The following MCOLN2 variants were observed in gnomAD, a reference collection of about 807,000 sequenced individuals.
The protein encoded by MCOLN2 is mucolipin TRP cation channel 2.
MCOLN2 carries 57 observed loss-of-function variants against 67.5 expected under a neutral mutation model. The ratio of observed to expected loss-of-function variants is 0.84; its 90% CI spans 0.68 to 1.05. The LOEUF (loss-of-function observed/expected upper bound fraction) is 1.05, where lower values mean the gene tolerates loss of function less well. MCOLN2 is among the 50% of genes least tolerant of loss of function. The probability of loss-of-function intolerance (pLI) is 0.00; values close to 1 mark genes in which losing one functional copy is unlikely to be tolerated. For missense variants in MCOLN2, 620 were observed against 678.8 expected (o/e 0.91, Z 0.96); for synonymous variants, 246 against 233.3 (o/e 1.05, Z -0.50).
intron 11 of MCOLN2, 106 bp from the exon 12 acceptor site, chr1:84,931,674 G>C (rs942790824): frequency 1.1e-6 from 1 of 898,386 alleles, no homozygotes; most frequent in African/African-American, 1.7e-5. Flanking sequence ...TGTAGTAGTG[G>C]TAACTTACTT....
At chr1:84,959,392 C>T (rs1648960256) in intron 2 of MCOLN2, among the ~76,000 whole-genome samples, 1 of 152,190 alleles carries the variant, frequency 6.6e-6, no homozygotes. Flanking sequence ...TTCTCCCTTT[C>T]ACTGTATTCT....
At chr1:84,959,184 A>C (rs1648951278) in intron 2 of MCOLN2, among the ~76,000 whole-genome samples, 2 of 152,160 alleles carry the variant, frequency 1.3e-5, no homozygotes, top group Admixed American at 1.3e-4. Context: ...TACTCCAGCT[A>C]GGAGGTAATA....
chr1:84,995,831 C>T (rs1051609422), intron 1 of MCOLN2, among the ~76,000 whole-genome samples: 10 of 150,952 alleles, frequency 6.6e-5, no homozygotes, highest in Admixed American at 4.6e-4. Flanking sequence ...TTGATATGTT[C>T]CTCCTTCACA....
intron 12 of MCOLN2, chr1:84,929,913 A>C (rs1661324762): frequency 6.5e-6 from 2 of 309,044 alleles, no homozygotes; most frequent in Non-Finnish European, 1.2e-5. Flanking sequence ...AGCAGAGAAG[A>C]GCCAGGGAGA....
rs1176944454 is a variant in MCOLN2, at chr1:84,996,848, G to C, written c.25C>G (p.Pro9Ala). 6.2e-7 allele frequency: 1 copy of C among 1,613,984 alleles called. No individual in the cohort carries two copies. Among genetic ancestry groups the C allele is most frequent in the Non-Finnish European group, 8.5e-7 (1 of 1,180,000 alleles). Residue 9 changes from proline (P) to alanine (A), a missense_variant, in exon 1 of 14, where the codon CCC becomes GCC. Pro to Ala is a conservative substitution (Grantham distance 27). Coordinates refer to ENST00000370608, the MANE Select transcript of MCOLN2 (RefSeq NM_153259.4). MARQPYRF[P>A]QARIPERGSG... ...CCTCTCTCCGGAATCCTTGCCTGGG[G>C]AAAACGATAAGGCTGCCGGGCCATG... is the stretch of plus-strand genomic sequence containing the variant.
intron 1 of MCOLN2, among the ~76,000 whole-genome samples, chr1:84,993,720 T>C (rs1403934995): frequency 7.0e-6 from 1 of 142,292 alleles, no homozygotes; most frequent in African/African-American, 2.6e-5. Flanking sequence ...AAGCTCCGCC[T>C]CCCGGGTTCA....
chr1:84,953,588 T>C (rs1648624152), intron 4 of MCOLN2, among the ~76,000 whole-genome samples: 1 of 151,438 alleles, frequency 6.6e-6, no homozygotes, highest in Non-Finnish European at 1.5e-5. Flanking sequence ...TGGGGAAATC[T>C]GGATGAAGGC....
In MCOLN2 at chr1:84,983,303, T is replaced by G. The variant is rs191367085; in HGVS notation, c.77+13493A>C. 1.1e-3 allele frequency among the ~76,000 whole-genome samples: 173 copies of G among 152,336 alleles called. 1 individual carries two copies. The highest frequency in any genetic ancestry group is 2.7e-3 in the Admixed American group (42 of 15,286). ...TTCTTTTTTTGAGATAGGATCTCAC[T>G]CTGTCACCCAGGTGGGATTGCAGTG... On this transcript the variant is annotated intron_variant, in intron 1 of 13. Coordinates refer to ENST00000370608, the MANE Select transcript of MCOLN2 (RefSeq NM_153259.4).
At chr1:84,990,297 C>CAAA (rs34226507) in intron 1 of MCOLN2, among the ~76,000 whole-genome samples, 18 of 34,984 alleles carry the variant, frequency 5.1e-4, no homozygotes, top group Middle Eastern at 0.036. Flanking sequence ...GACTCCATCT[C>CAAA]AAAAAAAAAA....
chr1:84,986,756 A>C (rs1045360200), intron 1 of MCOLN2, among the ~76,000 whole-genome samples: 1 of 152,168 alleles, frequency 6.6e-6, no homozygotes, highest in African/African-American at 2.4e-5. Context: ...AAGATATACA[A>C]ATAGCCAACA....
chr1:84,941,192 T>C lies in MCOLN2; in HGVS notation c.848-201A>G, dbSNP rs555826718. ...CAAAACATTCCCTGATATAAAGCTA[T>C]ACATTTAAAAACATGTGAGCTGGGC... On this transcript the variant is annotated intron_variant, in intron 7 of 13. Coordinates refer to ENST00000370608, the MANE Select transcript of MCOLN2 (RefSeq NM_153259.4). 1.1e-4 allele frequency among the ~76,000 whole-genome samples: 17 copies of C among 152,334 alleles called. No individual in the cohort carries two copies. In the South Asian group the frequency reaches 2.1e-3, roughly 19 times the overall value.
intron 7 of MCOLN2, among the ~76,000 whole-genome samples, chr1:84,946,101 G>T (rs1648089856): frequency 6.6e-6 from 1 of 152,172 alleles, no homozygotes; most frequent in East Asian, 1.9e-4. Flanking sequence ...CAATGACTGA[G>T]TAAATGACTC....
At chr1:84,985,865 G>C (rs1650480993) in intron 1 of MCOLN2, among the ~76,000 whole-genome samples, 1 of 152,026 alleles carries the variant, frequency 6.6e-6, no homozygotes, top group African/African-American at 2.4e-5. Context: ...TGACCATACT[G>C]CCAAAAGCAA....
At chr1:84,971,692 T>C (rs377199490) in intron 1 of MCOLN2, among the ~76,000 whole-genome samples, 1 of 152,190 alleles carries the variant, frequency 6.6e-6, no homozygotes, top group East Asian at 1.9e-4. Flanking sequence ...TTACCCTATA[T>C]ACCTTGCAAT....
intron 11 of MCOLN2, among the ~76,000 whole-genome samples, chr1:84,935,165 T>G (rs185697049): frequency 1.2e-4 from 18 of 152,100 alleles, no homozygotes; most frequent in Admixed American, 1.1e-3. Context: ...GGGGAAAGGA[T>G]GCAAGGGGCA....
intron 1 of MCOLN2, among the ~76,000 whole-genome samples, chr1:84,973,578 G>A (rs558085141): frequency 7.9e-5 from 12 of 152,206 alleles, no homozygotes; most frequent in South Asian, 6.2e-4. Context: ...GGGGGTTCAT[G>A]GTGGTACCCC....
Position 84,931,552 on chromosome 1 carries a change from G to A in MCOLN2, c.1352C>T (p.Thr451Ile). 1 of 1,613,836 alleles carries A rather than the reference G, an allele frequency of 6.2e-7. No homozygotes were observed. Among genetic ancestry groups the A allele is most frequent in the African/African-American group, 1.3e-5 (1 of 75,024 alleles). The change falls in exon 12 of 14, where the codon ACA becomes ATA. Residue 451 changes from threonine to isoleucine, a missense_variant. Physicochemically the swap from Thr to Ile is moderately conservative, Grantham distance 89. Transcript: ENST00000370608. ...CAGAGAAAACAGACACTCAGCAACT[G>A]TGTTCAGATTTTCAAACTGTAGGGG... is the stretch of plus-strand genomic sequence containing the variant. ...PYHDKFENLN[T>I]VAECLFSLVN...
chr1:84,956,552 G>T lies in MCOLN2; in HGVS notation c.444C>A (p.Thr148=). 6.2e-7 allele frequency: 1 copy of T among 1,606,616 alleles called. No individual in the cohort carries two copies. Among genetic ancestry groups the T allele is most frequent in the South Asian group, 1.1e-5 (1 of 89,074 alleles). Residue 148 remains threonine (T), a synonymous_variant, in exon 4 of 14, where the codon ACC becomes ACA. Transcript: ENST00000370608. ...TGTCTTCATTTTCTCCATAACCAAG[G>T]GTCCCCAGGGTAATGTCCTTTAGCT... ...YHQLKDITLG[T]LGYGENEDNR...
At chr1:84,946,038 T>C (rs115299606) in intron 7 of MCOLN2, among the ~76,000 whole-genome samples, 6,462 of 152,248 alleles carry the variant, frequency 0.042, 479 homozygotes, top group African/African-American at 0.15. Flanking sequence ...TGTGAGCCAC[T>C]GTGCTCAGCA....
Sources: gnomAD v4.1 joint callset for allele counts (sites outside exome capture counted in the v4.1 genomes callset) on GRCh38, gnomAD v4.1.1 for gene constraint, MANE v1.5 for transcripts, NCBI Gene and HGNC (gene_info 2026-07-23, HGNC 2026-07-21) for gene names.